PCDHGA1: variants seen among roughly 807,000 people sequenced by gnomAD.
PCDHGA1 encodes the protein protocadherin gamma-A1.
In PCDHGA1, 32 loss-of-function variants were observed where a neutral mutation model predicts 58.0. That is an observed-to-expected ratio of 0.55 (90% CI 0.42 to 0.74). PCDHGA1 has a LOEUF of 0.74. PCDHGA1 is among the 30% of genes least tolerant of loss of function. The pLI is 0.00. For synonymous variants in PCDHGA1, 498 were observed against 501.1 expected (o/e 0.99, Z 0.08); for missense variants, 1,205 against 1,182.3 (o/e 1.02, Z -0.28).
intron 1 of PCDHGA1, chr5:141,351,944 G>C: frequency 6.2e-7 from 1 of 1,613,160 alleles, no homozygotes; most frequent in South Asian, 1.1e-5. Context: ...GCTGTACCCC[G>C]CGCTGGGGCC....
chr5:141,413,686 C>T, intron 1 of PCDHGA1: 4 of 1,613,812 alleles, frequency 2.5e-6, no homozygotes, highest in Non-Finnish European at 3.4e-6. Context: ...CGTGAACTCC[C>T]TGCAGAGCTA....
rs200900873 is a variant in PCDHGA1 at position 141,510,902 on chromosome 5, G to A, written c.2570-45G>A. On this transcript the variant is annotated intron_variant, in intron 3 of 3. Transcript: ENST00000517417. ...GGGGATATAAGACAGTGACTGTTGAGGACCCTAAGTTTAGCTCCCACCTGA... is the reference window on the plus strand; with the variant it reads ...GGGGATATAAGACAGTGACTGTTGAAGACCCTAAGTTTAGCTCCCACCTGA... The A allele has an allele frequency of 1.5e-3, 2,449 of 1,613,462 alleles. 7 individuals carry two copies. The highest frequency in any genetic ancestry group is 1.9e-3 in the Non-Finnish European group (2,206 of 1,179,758).
Position 141,504,006 on chromosome 5 carries a change from G to C in PCDHGA1, c.2481-1387G>C, listed in dbSNP as rs138738950. Among the ~76,000 whole-genome samples, 1,431 of 152,182 alleles carry C rather than the reference G, an allele frequency of 9.4e-3. 31 individuals are homozygous for C. The highest frequency in any genetic ancestry group is 0.033 in the African/African-American group (1,367 of 41,490). On this transcript the variant is annotated intron_variant, in intron 2 of 3. Coordinates refer to ENST00000517417, the MANE Select transcript of PCDHGA1 (RefSeq NM_018912.3). The stretch of plus-strand genomic sequence containing the variant: ...CTTCTTACCTTACAGTCACTTAACT[G>C]TCTCTGCTGGTCTCTTCCCACTCAT...
chr5:141,359,946 T>A, intron 1 of PCDHGA1: 1 of 524,822 alleles, frequency 1.9e-6, no homozygotes, highest in Non-Finnish European at 3.1e-6. Flanking sequence ...TCGCTGTTGG[T>A]CAAAAGAACG....
intron 1 of PCDHGA1, chr5:141,382,952 T>C (rs781221322): frequency 6.2e-7 from 1 of 1,601,438 alleles, no homozygotes; most frequent in Non-Finnish European, 8.5e-7. Context: ...CTGCTCTCCA[T>C]CCTCCTGGGG....
intron 1 of PCDHGA1, chr5:141,382,819 G>T (rs1449028360): frequency 3.1e-6 from 4 of 1,297,848 alleles, no homozygotes; most frequent in Non-Finnish European, 4.3e-6. Flanking sequence ...CCCTTCCTAA[G>T]ACAGAGGGGT....
At chr5:141,340,009 A>T in intron 1 of PCDHGA1, 1 of 1,614,158 alleles carries the variant, frequency 6.2e-7, no homozygotes, top group Non-Finnish European at 8.5e-7. Flanking sequence ...ATGCCCCAGA[A>T]TTTTACATGA....
intron 1 of PCDHGA1, chr5:141,371,230 A>G: frequency 6.2e-7 from 1 of 1,614,038 alleles, no homozygotes; most frequent in Non-Finnish European, 8.5e-7. Flanking sequence ...GAAATCATCT[A>G]TGCCTTCATC....
intron 1 of PCDHGA1, chr5:141,430,905 C>T: frequency 6.2e-7 from 1 of 1,606,922 alleles, no homozygotes; most frequent in Non-Finnish European, 8.5e-7. Context: ...GGCGACATCT[C>T]CAGGGACCTG....
In PCDHGA1 at chr5:141,489,152, A is replaced by C; in HGVS notation, c.2422-5655A>C. The C allele has an allele frequency of 2.1e-6, 2 of 960,350 alleles. No individual in the cohort carries two copies. Among genetic ancestry groups the C allele is most frequent in the Non-Finnish European group, 3.1e-6 (2 of 640,552 alleles). 59.5% of individuals were successfully genotyped at this position (960,350 alleles called of 1,614,324 possible). A position where few individuals can be genotyped will look rare whatever the true frequency, so the allele number is the denominator to read the frequency against. On this transcript the variant is annotated intron_variant, in intron 1 of 3. Transcript: ENST00000517417. This position sits in a 1 kb window ranked among gnomAD's most constrained non-coding sequence, Gnocchi z 4.5. The stretch of plus-strand genomic sequence containing the variant: ...TTTTAAGAGGCTGGAAGGAGACATA[A>C]GAGACTTCAGCTGCTGCATTCCAAG...
At chr5:141,482,611 G>A (rs1016481108) in intron 1 of PCDHGA1, among the ~76,000 whole-genome samples, 3 of 150,398 alleles carry the variant, frequency 2.0e-5, no homozygotes, top group African/African-American at 7.4e-5. Context: ...ACACCTAAAT[G>A]AGCCTGGAGA....
chr5:141,372,700 A>G (rs1768981627), intron 1 of PCDHGA1: 1 of 1,614,002 alleles, frequency 6.2e-7, no homozygotes, highest in South Asian at 1.1e-5. Context: ...AAATTTCTCA[A>G]TATAAAGGCT....
At chr5:141,420,457 T>A in intron 1 of PCDHGA1, 1 of 927,890 alleles carries the variant, frequency 1.1e-6, no homozygotes. Flanking sequence ...TTCCTACTAT[T>A]CAAAGACATT....
intron 1 of PCDHGA1, among the ~76,000 whole-genome samples, chr5:141,381,794 T>C (rs901900634): frequency 1.3e-4 from 19 of 150,606 alleles, no homozygotes; most frequent in Admixed American, 9.3e-4. Context: ...GGCAAGGCAA[T>C]TCCCTCTTTC....
intron 1 of PCDHGA1, among the ~76,000 whole-genome samples, chr5:141,462,105 G>A (rs2099031983): frequency 6.6e-6 from 1 of 152,170 alleles, no homozygotes; most frequent in South Asian, 2.1e-4. Flanking sequence ...TTACAGGCAT[G>A]AGCCACTGCA....
chr5:141,393,635 C>A (rs370544677), intron 1 of PCDHGA1: 1 of 1,613,750 alleles, frequency 6.2e-7, no homozygotes, highest in African/African-American at 1.3e-5. Context: ...AGGGAATCAA[C>A]GGAAAAGTGG....
chr5:141,372,472 T>C (rs1768797135), intron 1 of PCDHGA1: 8 of 1,614,034 alleles, frequency 5.0e-6, no homozygotes, highest in African/African-American at 1.3e-5. Flanking sequence ...TTTCACCTAG[T>C]AGTGGCGTTG....
intron 1 of PCDHGA1, among the ~76,000 whole-genome samples, chr5:141,438,252 G>A (rs1181991674): frequency 6.6e-6 from 1 of 152,072 alleles, no homozygotes. Context: ...AACTGTCATT[G>A]AAGAGACCAT....
Position 141,330,770 on chromosome 5 carries a change from G to C in PCDHGA1, c.86G>C (p.Gly29Ala). The C allele has an allele frequency of 6.2e-7, 1 of 1,614,198 alleles. No individual in the cohort carries two copies. Among genetic ancestry groups the C allele is most frequent in the Non-Finnish European group, 8.5e-7 (1 of 1,180,034 alleles). Residue 29 changes from glycine (G) to alanine (A), a missense_variant, in exon 1 of 4, where the codon GGG (glycine) becomes GCG (alanine). Transcript: ENST00000517417. ...SLELLLEAGAGNIHYSVPEET... is the reference protein window; with the variant it reads ...SLELLLEAGAANIHYSVPEET... ...GAGCTGCTGTTGGAAGCTGGGGCTGGGAATATTCACTACTCAGTGCCGGAA... is the reference window on the plus strand; with the variant it reads ...GAGCTGCTGTTGGAAGCTGGGGCTGCGAATATTCACTACTCAGTGCCGGAA...
Sources: gnomAD v4.1 joint callset for allele counts (sites outside exome capture counted in the v4.1 genomes callset) on GRCh38, gnomAD v4.1.1 for gene constraint, Gnocchi (gnomAD v3.1) non-coding constraint, MANE v1.5 for transcripts, NCBI Gene and HGNC (gene_info 2026-07-23, HGNC 2026-07-21) for gene names.